The following CPNE8 variants were observed in gnomAD, a reference collection of about 807,000 sequenced individuals.
CPNE8 encodes copine 8.
Under a neutral mutation model 81.5 loss-of-function variants are expected in CPNE8, and 45 were observed. That is an observed-to-expected ratio of 0.55 (90% CI 0.44 to 0.71). The LOEUF is 0.71. Among genes scored for constraint, CPNE8 ranks in the 30% least tolerant of loss-of-function variants. The pLI, the probability that CPNE8 is intolerant of heterozygous loss-of-function variation, is 0.00. For synonymous variants in CPNE8, 252 were observed against 226.3 expected, an observed-to-expected ratio of 1.11 and a Z score of -1.02; for missense variants, 594 against 672.1, an observed-to-expected ratio of 0.88 and a Z score of 1.28.
At chr12:38,894,248 A>C (rs780375613) in intron 1 of CPNE8, among the ~76,000 whole-genome samples, 1 of 152,202 alleles carries the variant, frequency 6.6e-6, no homozygotes, top group Non-Finnish European at 1.5e-5. Context: ...ACAGTGATTT[A>C]AGTGAAACAA....
rs563984693 is a variant in CPNE8 at position 38,676,465 on chromosome 12, A to C, written c.1375-691T>G. On this transcript the variant is annotated intron_variant, in intron 17 of 19. Coordinates refer to ENST00000331366, the MANE Select transcript of CPNE8 (RefSeq NM_153634.3). Reference sequence around the variant, plus strand: ...CCTCCAAAAATATTTCAGTTGCTAAAGGGGGAAAGTGGTAACAGATTCATA... The same window carrying C: ...CCTCCAAAAATATTTCAGTTGCTAACGGGGGAAAGTGGTAACAGATTCATA... 21 of 189,228 alleles carry C rather than the reference A, an allele frequency of 1.1e-4. No homozygotes were observed. In the East Asian group the frequency reaches 1.1e-3, roughly 10 times the overall value. 11.7% of individuals were successfully genotyped at this position (189,228 alleles called of 1,614,324 possible).
At chr12:38,850,842 TTTATTAGG>T (rs758536736) in intron 3 of CPNE8, among the ~76,000 whole-genome samples, 4 of 152,220 alleles carry the variant, frequency 2.6e-5, no homozygotes, top group Admixed American at 1.3e-4. Flanking sequence ...ACAATCACTT[TTTATTAGG>T]TTATTTCATC....
chr12:38,747,164 C>G (rs1941244547), intron 10 of CPNE8, among the ~76,000 whole-genome samples: 1 of 152,220 alleles, frequency 6.6e-6, no homozygotes, highest in African/African-American at 2.4e-5. Context: ...GCTCTACTAA[C>G]AGTATAATGA....
chr12:38,689,025 T>C (rs1285966531), intron 15 of CPNE8, among the ~76,000 whole-genome samples: 1 of 152,208 alleles, frequency 6.6e-6, no homozygotes, highest in Non-Finnish European at 1.5e-5. Flanking sequence ...GAATCAGTTA[T>C]TGCTTGTTAA....
At chr12:38,897,636 TA>T (rs1234246744) in intron 1 of CPNE8, among the ~76,000 whole-genome samples, 2 of 150,258 alleles carry the variant, frequency 1.3e-5, no homozygotes, top group Non-Finnish European at 3.0e-5. Flanking sequence ...TACACACTAT[TA>T]ATATATTACA....
chr12:38,726,677 C>T (rs535687861), intron 11 of CPNE8: 2 of 152,166 alleles, frequency 1.3e-5, no homozygotes, highest in South Asian at 2.1e-4. Context: ...ACATTTTTCT[C>T]GAAAAACCAT....
intron 15 of CPNE8, among the ~76,000 whole-genome samples, chr12:38,686,313 G>A (rs1160079538): frequency 2.0e-5 from 3 of 152,178 alleles, no homozygotes; most frequent in Non-Finnish European, 2.9e-5. Flanking sequence ...AATGGAGCTT[G>A]TTGTTAAGAA....
chr12:38,805,677 TA>T (rs71068581), intron 6 of CPNE8, among the ~76,000 whole-genome samples: 66,645 of 104,750 alleles, frequency 0.64, 25,498 homozygotes, highest in Non-Finnish European at 0.86. Context: ...AAAAAAACAT[TA>T]AAAAAAAAAA....
intron 14 of CPNE8, among the ~76,000 whole-genome samples, chr12:38,698,081 A>G (rs1225075521): frequency 6.6e-6 from 1 of 152,142 alleles, no homozygotes; most frequent in South Asian, 2.1e-4. Flanking sequence ...TTGTTATTTG[A>G]CTGTTTTCTT....
chr12:38,705,814 T>G (rs548824265), intron 13 of CPNE8, among the ~76,000 whole-genome samples: 26 of 152,158 alleles, frequency 1.7e-4, no homozygotes, highest in South Asian at 1.7e-3. Flanking sequence ...TCAAAACTCT[T>G]GGAGGGCAGG....
rs190837761 is a variant in CPNE8 at position 38,659,476 on chromosome 12, T to C, written c.1507-5406A>G. 3.9e-3 allele frequency among the ~76,000 whole-genome samples: 590 copies of C among 152,218 alleles called. 2 individuals are homozygous for C. Among genetic ancestry groups the C allele is most frequent in the Non-Finnish European group, 5.2e-3 (357 of 68,012 alleles). ...GGAGACTTTAACACCCCACTGTCAA[T>C]ATTAGACAGATCGACAAGACAGGTT... On this transcript the variant is annotated intron_variant, in intron 19 of 19. Coordinates refer to ENST00000331366, the MANE Select transcript of CPNE8 (RefSeq NM_153634.3).
chr12:38,794,368 G>T (rs1942402877), intron 6 of CPNE8, among the ~76,000 whole-genome samples: 1 of 151,894 alleles, frequency 6.6e-6, no homozygotes, highest in African/African-American at 2.4e-5. Context: ...TGAACATAGG[G>T]CTGGAATAGA....
chr12:38,797,067 C>A (rs1329639252), intron 6 of CPNE8, among the ~76,000 whole-genome samples: 2 of 152,288 alleles, frequency 1.3e-5, no homozygotes, highest in African/African-American at 2.4e-5. Flanking sequence ...GTGGAGCCCA[C>A]CACAGCTCAA....
chr12:38,841,072 TA>T (rs1222698592), intron 4 of CPNE8, among the ~76,000 whole-genome samples: 5 of 152,252 alleles, frequency 3.3e-5, no homozygotes, highest in African/African-American at 1.2e-4. Context: ...TCTCAATCAT[TA>T]AAAGTTCACT....
At chr12:38,874,682 A>G (rs1944042596) in intron 1 of CPNE8, among the ~76,000 whole-genome samples, 171 bp from the exon 2 acceptor site, 1 of 152,208 alleles carries the variant, frequency 6.6e-6, no homozygotes, top group African/African-American at 2.4e-5. Context: ...GTCTGCTTGT[A>G]TATATTCAGA....
At chr12:38,677,281 C>A (rs1939310572) in intron 17 of CPNE8, among the ~76,000 whole-genome samples, 171 bp downstream of exon 17, 1 of 151,974 alleles carries the variant, frequency 6.6e-6, no homozygotes, top group Admixed American at 6.6e-5. Context: ...CTTGATCCCC[C>A]TGGATCAGTG....
chr12:38,830,993 G>A (rs147422139), intron 5 of CPNE8, among the ~76,000 whole-genome samples: 56 of 152,284 alleles, frequency 3.7e-4, no homozygotes, highest in Non-Finnish European at 5.6e-4. Flanking sequence ...CTTCAGTGTT[G>A]GAGGTGGGGA....
rs1258356569 is a variant in CPNE8, at chr12:38,806,283, A to T, written c.407+23096T>A. ...CCAGCATCATCCTGATACCAAAGCCAGGCAGAGACACACCAAAAAAGATAA... is the reference window on the plus strand; with the variant it reads ...CCAGCATCATCCTGATACCAAAGCCTGGCAGAGACACACCAAAAAAGATAA... On this transcript the variant is annotated intron_variant, in intron 6 of 19. Coordinates refer to ENST00000331366, the MANE Select transcript of CPNE8 (RefSeq NM_153634.3). 2.0e-5 allele frequency among the ~76,000 whole-genome samples: 3 copies of T among 150,144 alleles called. No individual in the cohort carries two copies. In the East Asian group the frequency reaches 6.6e-4, roughly 33 times the overall value.
chr12:38,856,903 C>T (rs781467024), intron 3 of CPNE8, among the ~76,000 whole-genome samples: 2 of 151,470 alleles, frequency 1.3e-5, no homozygotes, highest in Non-Finnish European at 2.9e-5. Flanking sequence ...AGATGCTTCA[C>T]ATTTAAGGAA....
Sources: gnomAD v4.1 joint callset for allele counts (sites outside exome capture counted in the v4.1 genomes callset) on GRCh38, gnomAD v4.1.1 for gene constraint, MANE v1.5 for transcripts, NCBI Gene and HGNC (gene_info 2026-07-23, HGNC 2026-07-21) for gene names.